The following CELF2 variants were observed in gnomAD, a reference collection of about 807,000 sequenced individuals.
CELF2 encodes CUGBP Elav-like family member 2, also known as CUG triplet repeat RNA-binding protein 2.
CELF2 carries 8 observed loss-of-function variants against 62.6 expected under a neutral mutation model. That is an observed-to-expected ratio of 0.13 (90% CI 0.07 to 0.23). The LOEUF is 0.23. CELF2 is among the 10% of genes least tolerant of loss of function. The probability of loss-of-function intolerance (pLI) is 1.00; values close to 1 mark genes in which losing one functional copy is unlikely to be tolerated. For missense variants in CELF2, 333 were observed against 671.0 expected (o/e 0.50, Z 5.56); for synonymous variants, 258 against 250.0 (o/e 1.03, Z -0.30).
At chr10:11,071,335 A>G (rs1303341978) in intron 1 of CELF2, among the ~76,000 whole-genome samples, 2 of 152,170 alleles carry the variant, frequency 1.3e-5, no homozygotes, top group African/African-American at 4.8e-5. Flanking sequence ...ACTCTTCACA[A>G]CAACTATATG....
chr10:10,547,715 G>C, the CELF2 span, among the ~76,000 whole-genome samples: 1 of 151,888 alleles, frequency 6.6e-6, no homozygotes, highest in Non-Finnish European at 1.5e-5. Context: ...GTGTGTGTGT[G>C]TGTGTGTGTG....
intron 2 of CELF2, chr10:10,929,586 A>G (rs1312863408): frequency 1.3e-5 from 2 of 152,194 alleles, no homozygotes; most frequent in Non-Finnish European, 2.9e-5. Flanking sequence ...TAAAAATCCC[A>G]GTTCAGCCAC....
chr10:10,507,295 GA>G, the CELF2 span, among the ~76,000 whole-genome samples: 2 of 2,208 alleles, frequency 9.1e-4, no homozygotes, highest in South Asian at 0.2. Flanking sequence ...CTAACATCCG[GA>G]AATACTCACA....
At chr10:11,304,765 T>C (rs1010604827) in intron 9 of CELF2, among the ~76,000 whole-genome samples, 3 of 152,208 alleles carry the variant, frequency 2.0e-5, no homozygotes, top group Non-Finnish European at 4.4e-5. Flanking sequence ...TTCCAACATA[T>C]GGAATTTGGG....
the CELF2 span, among the ~76,000 whole-genome samples, chr10:10,547,092 G>C: frequency 6.6e-6 from 1 of 152,198 alleles, no homozygotes; most frequent in Admixed American, 6.5e-5. Flanking sequence ...GGGCAACAGA[G>C]TGAGACTCTG....
chr10:11,036,449 G>C (rs907196770), intron 1 of CELF2, among the ~76,000 whole-genome samples: 2 of 152,206 alleles, frequency 1.3e-5, no homozygotes, highest in Non-Finnish European at 2.9e-5. Context: ...CTATACAATG[G>C]CAACAGGCTC....
the CELF2 span, among the ~76,000 whole-genome samples, chr10:10,744,656 C>G: frequency 6.6e-6 from 1 of 151,884 alleles, no homozygotes. Context: ...TTATCTGTGA[C>G]TATTATACTA....
chr10:11,146,377 G>A (rs1446743524), intron 1 of CELF2, among the ~76,000 whole-genome samples: 2 of 152,152 alleles, frequency 1.3e-5, no homozygotes, highest in African/African-American at 2.4e-5. Flanking sequence ...ATCTCTACAC[G>A]TATCTTAAAA....
intron 1 of CELF2, among the ~76,000 whole-genome samples, chr10:10,824,638 A>C (rs1215282663): frequency 6.6e-6 from 1 of 152,226 alleles, no homozygotes; most frequent in Non-Finnish European, 1.5e-5. Flanking sequence ...GTAAGAATAC[A>C]AAGTGTAAAC....
intron 2 of CELF2, among the ~76,000 whole-genome samples, chr10:10,965,852 T>A (rs2050064975): frequency 6.6e-6 from 1 of 152,230 alleles, no homozygotes. Flanking sequence ...GTATCCCACA[T>A]CATTAGCACA....
chr10:10,866,239 T>C (rs1424802007), intron 1 of CELF2, among the ~76,000 whole-genome samples: 1 of 152,142 alleles, frequency 6.6e-6, no homozygotes, highest in Non-Finnish European at 1.5e-5. Flanking sequence ...TGACTTCAGC[T>C]TGTTTTGTTG....
chr10:10,910,699 C>CAAAAAAAAAAAAAAAAAA (rs55954207), intron 1 of CELF2, among the ~76,000 whole-genome samples: 4 of 92,206 alleles, frequency 4.3e-5, no homozygotes, highest in South Asian at 4.6e-4. Flanking sequence ...GACTCTGCCT[C>CAAAAAAAAAAAAAAAAAA]AAAAAAAAAA....
intron 2 of CELF2, among the ~76,000 whole-genome samples, chr10:11,176,356 C>T (rs1175559034): frequency 6.6e-6 from 1 of 152,156 alleles, no homozygotes; most frequent in Non-Finnish European, 1.5e-5. Context: ...AGCGGGTCCT[C>T]GTACCCTTTT....
At chr10:11,152,324 A>G (rs1477949192) in intron 1 of CELF2, among the ~76,000 whole-genome samples, 1 of 152,210 alleles carries the variant, frequency 6.6e-6, no homozygotes, top group Admixed American at 6.5e-5. Flanking sequence ...ACAATGAGGA[A>G]TATAAGAGCA....
the CELF2 span, among the ~76,000 whole-genome samples, chr10:10,716,889 T>G: frequency 6.6e-6 from 1 of 152,234 alleles, no homozygotes; most frequent in Non-Finnish European, 1.5e-5. Flanking sequence ...ACCCAGATGC[T>G]TTAATTAAGC....
the CELF2 span, among the ~76,000 whole-genome samples, chr10:10,758,425 T>G: frequency 1.3e-5 from 2 of 151,970 alleles, no homozygotes; most frequent in Non-Finnish European, 2.9e-5. Context: ...CCCTGGGAGG[T>G]CAGGAATATG....
chr10:11,213,657 G>A (rs2062525814), intron 2 of CELF2, among the ~76,000 whole-genome samples: 1 of 152,212 alleles, frequency 6.6e-6, no homozygotes, highest in South Asian at 2.1e-4. Context: ...TTAACTAGGA[G>A]AAACTCATAG....
intron 11 of CELF2, among the ~76,000 whole-genome samples, chr10:11,323,157 T>C (rs910791980): frequency 1.3e-5 from 2 of 152,124 alleles, no homozygotes; most frequent in African/African-American, 2.4e-5. Flanking sequence ...GGGTTACTGC[T>C]TAGTGCAGTA....
chr10:11,196,997 G>GGAGAAAGAAAGAAAGAAAGAAA (rs1565228587), intron 2 of CELF2, among the ~76,000 whole-genome samples: 2 of 55,940 alleles, frequency 3.6e-5, no homozygotes, highest in African/African-American at 1.4e-4. Flanking sequence ...AAGAAAGGAA[G>GGAGAAAGAAAGAAAGAAAGAAA]GAAGGAGAAA....
Sources: allele counts gnomAD v4.1 joint callset (sites outside exome capture counted in the v4.1 genomes callset), GRCh38; gene constraint gnomAD v4.1.1; transcripts MANE v1.5; gene names NCBI Gene and HGNC (gene_info 2026-07-23, HGNC 2026-07-21).